Variants in FMN1 observed in about 807,000 individuals in gnomAD.
The protein encoded by FMN1 is formin-1.
FMN1 carries 110 observed loss-of-function variants against 132.4 expected under a neutral mutation model. The observed-to-expected ratio is 0.83, with a 90% CI of 0.71 to 0.97. The LOEUF (loss-of-function observed/expected upper bound fraction) is 0.97, where lower values mean the gene tolerates loss of function less well. Ranked by LOEUF, FMN1 falls within the 50% of genes least tolerant of loss-of-function variation. The pLI is 0.00. For synonymous variants in FMN1, 722 were observed against 651.7 expected (o/e 1.11, Z -1.64); for missense variants, 1,792 against 1,705.3 (o/e 1.05, Z -0.90).
intron 4 of FMN1, among the ~76,000 whole-genome samples, chr15:33,095,297 G>T (rs750282394): frequency 6.6e-6 from 1 of 152,132 alleles, no homozygotes; most frequent in Non-Finnish European, 1.5e-5. Context: ...GCAGTGAGCC[G>T]AGATTGTGCC....
At chr15:32,910,605 C>T in intron 10 of FMN1, 70 bp from the exon 11 acceptor site, 2 of 1,134,552 alleles carry the variant, frequency 1.8e-6, no homozygotes, top group Non-Finnish European at 2.6e-6. Context: ...GTTTACTCCA[C>T]ATCCAGCTTC....
At chr15:32,833,979 T>C (rs1416309957) in intron 17 of FMN1, among the ~76,000 whole-genome samples, 1 of 152,182 alleles carries the variant, frequency 6.6e-6, no homozygotes, top group Non-Finnish European at 1.5e-5. Context: ...TTGAGAACCA[T>C]CGCCCTTTGT....
intron 6 of FMN1, among the ~76,000 whole-genome samples, chr15:33,048,331 A>C (rs2036787083): frequency 6.6e-6 from 1 of 152,130 alleles, no homozygotes; most frequent in Admixed American, 6.5e-5. Flanking sequence ...ATGAGATTAT[A>C]TATAAGAAAG....
At chr15:32,970,788 T>C (rs2140673999) in intron 7 of FMN1, 1 of 96,298 alleles carries the variant, frequency 1.0e-5, no homozygotes, top group South Asian at 4.1e-4. Flanking sequence ...ATTTGTCTGG[T>C]GTTAAAAAAA....
chr15:33,068,109 G>A, intron 5 of FMN1: 2 of 1,198,560 alleles, frequency 1.7e-6, no homozygotes, highest in Non-Finnish European at 2.2e-6. Context: ...AATCTGTGGA[G>A]TCTATGCCCA....
chr15:33,026,000 A>C, intron 6 of FMN1, among the ~76,000 whole-genome samples: 1 of 152,110 alleles, frequency 6.6e-6, no homozygotes, highest in East Asian at 1.9e-4. Flanking sequence ...GAAGAGATAA[A>C]ACTGGTAATG....
intron 15 of FMN1, among the ~76,000 whole-genome samples, chr15:32,894,763 T>C (rs1386976011): frequency 6.7e-6 from 1 of 149,416 alleles, no homozygotes; most frequent in Non-Finnish European, 1.5e-5. Context: ...TGTTTAGTAA[T>C]GGAAAGAGAG....
chr15:33,108,599 T>C (rs345771), intron 4 of FMN1, among the ~76,000 whole-genome samples: 107,842 of 151,842 alleles, frequency 0.71, 38,599 homozygotes, highest in East Asian at 0.84. Context: ...TTTAAAAGGC[T>C]ACTATATAAT....
At chr15:33,126,162 G>C (rs1963045604) in intron 4 of FMN1, among the ~76,000 whole-genome samples, 1 of 152,118 alleles carries the variant, frequency 6.6e-6, no homozygotes, top group Non-Finnish European at 1.5e-5. Flanking sequence ...CCCCGGTCAT[G>C]AGGAGCATAC....
At chr15:33,060,354 T>C (rs2141224105) in intron 6 of FMN1, among the ~76,000 whole-genome samples, 1 of 152,292 alleles carries the variant, frequency 6.6e-6, no homozygotes, top group Non-Finnish European at 1.5e-5. Context: ...ATAACTCTCT[T>C]TGACTGATAA....
At chr15:33,085,743 G>A (rs954240534) in intron 5 of FMN1, among the ~76,000 whole-genome samples, 1 of 151,956 alleles carries the variant, frequency 6.6e-6, no homozygotes, top group African/African-American at 2.4e-5. Flanking sequence ...AATAATGGGG[G>A]GAAAGGGTAT....
At chr15:33,097,934 AGT>A (rs1491543325) in intron 4 of FMN1, among the ~76,000 whole-genome samples, 1 of 152,226 alleles carries the variant, frequency 6.6e-6, no homozygotes, top group African/African-American at 2.4e-5. Context: ...CTCCATTCAC[AGT>A]AACTGTAGAA....
chr15:32,774,497 C>T, intron 20 of FMN1, 143 bp from the exon 21 acceptor site: 1 of 645,596 alleles, frequency 1.5e-6, no homozygotes, highest in Non-Finnish European at 2.7e-6. Context: ...ACTGCTTTCC[C>T]TAAGCTCTTA....
chr15:32,908,671 G>T, intron 11 of FMN1, 93 bp from the exon 12 acceptor site: 4 of 747,814 alleles, frequency 5.3e-6, no homozygotes, highest in Non-Finnish European at 6.6e-6. Context: ...GTCTCGAAGT[G>T]TGGTTCCTAG....
chr15:33,112,284 G>A (rs974486858), intron 4 of FMN1, among the ~76,000 whole-genome samples: 13 of 54,768 alleles, frequency 2.4e-4, no homozygotes, highest in African/African-American at 8.6e-4. Flanking sequence ...TTAGGTGGCA[G>A]TGCATAAAAC....
chr15:33,098,733 G>A (rs1196523820), intron 4 of FMN1, among the ~76,000 whole-genome samples: 2 of 152,164 alleles, frequency 1.3e-5, no homozygotes, highest in Non-Finnish European at 2.9e-5. Flanking sequence ...CATACCTGCT[G>A]AATCAAGATT....
chr15:32,813,013 C>T (rs923087095), intron 17 of FMN1, among the ~76,000 whole-genome samples: 2 of 152,098 alleles, frequency 1.3e-5, no homozygotes, highest in African/African-American at 4.8e-5. Context: ...ATGGTTGTGT[C>T]TGTGCTGAAC....
At chr15:32,850,867 T>C (rs1021069398) in intron 17 of FMN1, among the ~76,000 whole-genome samples, 1 of 152,184 alleles carries the variant, frequency 6.6e-6, no homozygotes, top group African/African-American at 2.4e-5. Flanking sequence ...GTTTGTTACA[T>C]AGGTAAACTA....
chr15:33,010,154 G>C (rs988939380), intron 6 of FMN1, among the ~76,000 whole-genome samples: 3 of 152,112 alleles, frequency 2.0e-5, no homozygotes, highest in African/African-American at 7.2e-5. Context: ...AAAGTGCCTG[G>C]CCAACATGAA....
Sources: allele counts gnomAD v4.1 joint callset (sites outside exome capture counted in the v4.1 genomes callset), GRCh38; gene constraint gnomAD v4.1.1; transcripts MANE v1.5; gene names NCBI Gene and HGNC (gene_info 2026-07-23, HGNC 2026-07-21).